DDX60L: variants seen among roughly 807,000 people sequenced by gnomAD.
DDX60L encodes the protein probable ATP-dependent RNA helicase DDX60-like.
In DDX60L, 191 loss-of-function variants were observed where a neutral mutation model predicts 211.6. That is an observed-to-expected ratio of 0.90 (90% CI 0.80 to 1.02). The LOEUF is 1.02. DDX60L is among the 50% of genes least tolerant of loss of function. The pLI is 0.00. For missense variants in DDX60L, 2,007 were observed against 1,984.1 expected, an observed-to-expected ratio of 1.01 and a Z score of -0.22; for synonymous variants, 706 against 694.1, an observed-to-expected ratio of 1.02 and a Z score of -0.27.
At chr4:168,390,311 GA>G (rs1269469586) in intron 29 of DDX60L, 2 of 1,140,940 alleles carry the variant, frequency 1.8e-6, no homozygotes, top group African/African-American at 3.2e-5. Context: ...CTCTCTACAT[GA>G]AAAAGAGAAA....
chr4:168,370,941 T>G (rs1018529399), intron 36 of DDX60L, among the ~76,000 whole-genome samples: 1 of 152,012 alleles, frequency 6.6e-6, no homozygotes, highest in Non-Finnish European at 1.5e-5. Flanking sequence ...ATGTTTTCCA[T>G]GTCAAAGAAC....
rs2149726462 is a variant in DDX60L, at chr4:168,392,181, T to G, written c.3811-537A>C. On this transcript the variant is annotated intron_variant, in intron 28 of 37. Transcript: ENST00000682922. Reference sequence around the variant, plus strand: ...ACGTACTCTGGACAACCACCTTCTCTTATTCTCATGTTTGTTTATGGAGGT... The same window carrying G: ...ACGTACTCTGGACAACCACCTTCTCGTATTCTCATGTTTGTTTATGGAGGT... Among the ~76,000 whole-genome samples the G allele has an allele frequency of 2.6e-5, 4 of 152,366 alleles. 1 individual carries two copies. The South Asian group carries it at 8.3e-4, about 32-fold the overall frequency.
At chr4:168,454,000 G>T (rs13148927) in intron 7 of DDX60L, among the ~76,000 whole-genome samples, 2 of 151,942 alleles carry the variant, frequency 1.3e-5, no homozygotes, top group African/African-American at 2.4e-5. Context: ...TAAATCATGT[G>T]AGAAAGAAGC....
At chr4:168,378,831 A>G (rs973417900) in intron 32 of DDX60L, among the ~76,000 whole-genome samples, 1 of 152,116 alleles carries the variant, frequency 6.6e-6, no homozygotes, top group African/African-American at 2.4e-5. Context: ...TTTACTCAAA[A>G]ACCTTTGAGG....
chr4:168,367,780 C>T (rs1579181804), intron 36 of DDX60L, among the ~76,000 whole-genome samples: 1 of 152,270 alleles, frequency 6.6e-6, no homozygotes. Context: ...AAATGAGGAA[C>T]TTATTGGGAA....
At chr4:168,361,752 C>T (rs2634932) in intron 36 of DDX60L, among the ~76,000 whole-genome samples, 109,922 of 152,106 alleles carry the variant, frequency 0.72, 40,769 homozygotes, top group East Asian at 0.85. Context: ...GCGGTTTCCA[C>T]AGCCATCACA....
At chr4:168,423,554 T>C in intron 15 of DDX60L, 54 bp downstream of exon 15, 3 of 1,201,380 alleles carry the variant, frequency 2.5e-6, no homozygotes, top group Non-Finnish European at 3.5e-6. Context: ...TAGTTATTCT[T>C]CCATATTAAA....
intron 7 of DDX60L, among the ~76,000 whole-genome samples, chr4:168,454,060 C>T (rs1756182871): frequency 6.6e-6 from 1 of 152,082 alleles, no homozygotes; most frequent in African/African-American, 2.4e-5. Context: ...CTTTTATACC[C>T]AGAACCCTAT....
intron 22 of DDX60L, among the ~76,000 whole-genome samples, chr4:168,414,220 A>G (rs763256863): frequency 6.6e-6 from 1 of 152,190 alleles, no homozygotes; most frequent in Non-Finnish European, 1.5e-5. Context: ...AAGAAGTGCT[A>G]AAGGGAGTTC....
chr4:168,459,774 G>GGAA (rs1757057157), intron 5 of DDX60L, among the ~76,000 whole-genome samples: 1 of 56,918 alleles, frequency 1.8e-5, no homozygotes. Flanking sequence ...GAAGGAAGGA[G>GGAA]GGAAGGAAGG....
At chr4:168,371,581 A>G (rs1741023812) in intron 36 of DDX60L, 31 bp downstream of exon 36, 1 of 1,362,398 alleles carries the variant, frequency 7.3e-7, no homozygotes, top group Admixed American at 2.0e-5. Flanking sequence ...ATGTATGTAT[A>G]TATTTTACAG....
In DDX60L at chr4:168,416,692, G is replaced by T; in HGVS notation, c.2716C>A (p.Leu906Ile). Residue 906 changes from leucine to isoleucine, a missense_variant, in exon 20 of 38, where the codon CTT (leucine) becomes ATT (isoleucine). By Grantham distance (5) the Leu-to-Ile change is conservative. Transcript: ENST00000682922. ...TTTACCTATACCTACTTGGTGAGAA[G>T]ATTTGGGTTATTTATGGTAGCTGAA... is the stretch of plus-strand genomic sequence containing the variant. ...VLSATINNPN[L>I]LTKWLQSVKQ... is the part of the protein sequence containing the mutation. 1 of 1,594,274 alleles carries T rather than the reference G, an allele frequency of 6.3e-7. No homozygotes were observed. The highest frequency in any genetic ancestry group is 8.5e-7 in the Non-Finnish European group (1 of 1,171,468).
At chr4:168,404,314 A>G (rs1225197677) in intron 24 of DDX60L, among the ~76,000 whole-genome samples, 1 of 151,896 alleles carries the variant, frequency 6.6e-6, no homozygotes, top group African/African-American at 2.4e-5. Context: ...AGATAATAAA[A>G]GATATAAAAT....
chr4:168,365,349 TC>T (rs1367884989), intron 36 of DDX60L, among the ~76,000 whole-genome samples: 10 of 151,764 alleles, frequency 6.6e-5, no homozygotes, highest in African/African-American at 2.4e-4. Context: ...TTACAACAGT[TC>T]CACAGAAGTA....
intron 23 of DDX60L, 62 bp downstream of exon 23, chr4:168,406,540 G>A: frequency 8.4e-7 from 1 of 1,189,714 alleles, no homozygotes; most frequent in Non-Finnish European, 1.2e-6. Flanking sequence ...GAGTAATTTT[G>A]CTATATTCTG....
chr4:168,383,460 G>A (rs2149690153), intron 30 of DDX60L, among the ~76,000 whole-genome samples: 1 of 152,244 alleles, frequency 6.6e-6, no homozygotes, highest in Middle Eastern at 3.4e-3. Context: ...ACAAGAAGTG[G>A]GCTGATACAA....
chr4:168,394,690 G>A, intron 27 of DDX60L, 73 bp from the exon 28 acceptor site: 1 of 1,395,462 alleles, frequency 7.2e-7, no homozygotes. Context: ...AGAATCAAAG[G>A]ACATTTTCAC....
intron 9 of DDX60L, among the ~76,000 whole-genome samples, chr4:168,447,102 A>C (rs1054353448): frequency 1.6e-5 from 2 of 124,654 alleles, no homozygotes; most frequent in African/African-American, 2.8e-5. Context: ...GCAACCTACA[A>C]AATGGGAGAA....
At chr4:168,421,430 T>C (rs970643003) in intron 17 of DDX60L, among the ~76,000 whole-genome samples, 1 of 152,090 alleles carries the variant, frequency 6.6e-6, no homozygotes, top group Admixed American at 6.5e-5. Context: ...GAGGCCAAGG[T>C]GGGTGGATCA....
Sources: allele counts gnomAD v4.1 joint callset (sites outside exome capture counted in the v4.1 genomes callset), GRCh38; gene constraint gnomAD v4.1.1; transcripts MANE v1.5; gene names NCBI Gene and HGNC (gene_info 2026-07-23, HGNC 2026-07-21).